WDPCP: variants seen among roughly 807,000 people sequenced by gnomAD.
The protein encoded by WDPCP is WD repeat-containing and planar cell polarity effector protein fritz homolog.
In WDPCP, 71 loss-of-function variants were observed where a neutral mutation model predicts 93.1. The observed-to-expected ratio is 0.76, with a 90% CI of 0.63 to 0.93. WDPCP has a LOEUF of 0.93. WDPCP is among the 40% of genes least tolerant of loss of function. The pLI is 0.00. For missense variants in WDPCP, 844 were observed against 887.4 expected (o/e 0.95, Z 0.62); for synonymous variants, 315 against 315.0 (o/e 1.00, Z 0.00).
chr2:63,572,368 T>G (rs762678853), intron 1 of WDPCP, among the ~76,000 whole-genome samples: 4 of 152,116 alleles, frequency 2.6e-5, no homozygotes, highest in African/African-American at 9.7e-5. Flanking sequence ...AAAAAGGGTA[T>G]CCAGCTGTAA....
chr2:63,578,424 G>GC lies in WDPCP; in HGVS notation c.75+9772dup, dbSNP rs549699426. On this transcript the variant is annotated intron_variant, in intron 1 of 17. Coordinates refer to ENST00000272321, the MANE Select transcript of WDPCP (RefSeq NM_015910.7). ...CATATTGCCAATTATATCTATAGTA[G>GC]CAACTTATGAAAACTGCACTTTCCA... Among the ~76,000 whole-genome samples, 102 of 152,232 alleles carry GC rather than the reference G, an allele frequency of 6.7e-4. No homozygotes were observed. In the East Asian group the frequency reaches 0.017, roughly 25 times the overall value.
chr2:63,214,231 C>T (rs185515674), intron 14 of WDPCP, among the ~76,000 whole-genome samples: 460 of 152,278 alleles, frequency 3.0e-3, no homozygotes, highest in Non-Finnish European at 3.4e-3. Flanking sequence ...CAATAAAATA[C>T]AGGCAAACCG....
At chr2:63,357,011 T>C (rs180972417) in intron 12 of WDPCP, among the ~76,000 whole-genome samples, 3 of 152,016 alleles carry the variant, frequency 2.0e-5, no homozygotes, top group Admixed American at 6.6e-5. Flanking sequence ...AGGACAAATA[T>C]AAGCAATGGG....
At chr2:63,235,250 C>T (rs1158770917) in intron 14 of WDPCP, among the ~76,000 whole-genome samples, 1 of 152,008 alleles carries the variant, frequency 6.6e-6, no homozygotes, top group African/African-American at 2.4e-5. Flanking sequence ...GTAGAGGGAA[C>T]AGATAAACTC....
intron 12 of WDPCP, among the ~76,000 whole-genome samples, chr2:63,343,244 G>C (rs187322265): frequency 1.5e-4 from 23 of 150,642 alleles, no homozygotes; most frequent in Admixed American, 1.5e-3. Flanking sequence ...CTGACCTCAA[G>C]TGATCTGCCC....
At chr2:63,133,833 A>G (rs188729030) in intron 17 of WDPCP, among the ~76,000 whole-genome samples, 16 of 152,286 alleles carry the variant, frequency 1.1e-4, no homozygotes, top group Admixed American at 1.0e-3. Context: ...CCAAACCAAG[A>G]CAACGGCTGG....
intron 14 of WDPCP, among the ~76,000 whole-genome samples, chr2:63,217,093 C>G (rs1242567843): frequency 6.6e-6 from 1 of 152,198 alleles, no homozygotes. Flanking sequence ...ACAGGGTTCA[C>G]CAAACTAAGT....
intron 1 of WDPCP, among the ~76,000 whole-genome samples, chr2:63,575,037 A>C (rs1034160285): frequency 1.3e-5 from 2 of 151,970 alleles, no homozygotes; most frequent in African/African-American, 4.8e-5. Flanking sequence ...TTATCCTTTA[A>C]AAATGGTCTG....
intron 3 of WDPCP, among the ~76,000 whole-genome samples, chr2:63,630,406 T>A (rs145425932): frequency 1.1e-3 from 170 of 151,978 alleles, no homozygotes; most frequent in African/African-American, 3.6e-3. Flanking sequence ...TCAAATATAA[T>A]GATAGAGACA....
chr2:63,186,789 G>T (rs956068860), intron 14 of WDPCP, among the ~76,000 whole-genome samples: 1 of 150,160 alleles, frequency 6.7e-6, no homozygotes, highest in Non-Finnish European at 1.5e-5. Context: ...ATATGACTGT[G>T]CACTGTTTTG....
At chr2:63,565,322 C>T (rs773487569) in intron 1 of WDPCP, among the ~76,000 whole-genome samples, 3 of 152,106 alleles carry the variant, frequency 2.0e-5, no homozygotes, top group Non-Finnish European at 2.9e-5. Flanking sequence ...AAATTCAATT[C>T]GCTTCAATAC....
At chr2:63,530,813 A>G (rs1034800295) in intron 1 of WDPCP, among the ~76,000 whole-genome samples, 1 of 152,156 alleles carries the variant, frequency 6.6e-6, no homozygotes. Flanking sequence ...TTTCCAACTG[A>G]GGTACCGTGT....
intron 9 of WDPCP, among the ~76,000 whole-genome samples, chr2:63,423,986 C>A (rs888021410): frequency 6.6e-6 from 1 of 151,948 alleles, no homozygotes; most frequent in African/African-American, 2.4e-5. Context: ...GATATAGACA[C>A]GAAGCTGAAG....
intron 3 of WDPCP, among the ~76,000 whole-genome samples, chr2:63,608,100 T>C (rs1053603549): frequency 1.3e-5 from 2 of 152,142 alleles, no homozygotes; most frequent in African/African-American, 4.8e-5. Context: ...GATAATTTGA[T>C]TTTAAGGCTA....
At chr2:63,588,506 CG>C, upstream of WDPCP, 1 of 617,246 alleles carries the variant, frequency 1.6e-6, no homozygotes, top group South Asian at 1.9e-5. Context: ...GAGTGTCAAT[CG>C]TTTTTTAAAA....
chr2:63,403,103 C>T (rs925568633), intron 10 of WDPCP, among the ~76,000 whole-genome samples: 1 of 152,014 alleles, frequency 6.6e-6, no homozygotes, highest in Non-Finnish European at 1.5e-5. Context: ...TTAAAAAGAA[C>T]AAGATAATGT....
chr2:63,401,513 C>G (rs573577789), intron 10 of WDPCP, among the ~76,000 whole-genome samples: 1 of 152,158 alleles, frequency 6.6e-6, no homozygotes, highest in Non-Finnish European at 1.5e-5. Flanking sequence ...GTGGCTCACA[C>G]TTGTAATCCC....
chr2:63,684,373 C>A (rs1668776130), intron 2 of WDPCP: 3 of 720,668 alleles, frequency 4.2e-6, no homozygotes, highest in East Asian at 5.4e-5. Flanking sequence ...GGACGCAAAG[C>A]CATCATCATG....
chr2:63,317,525 C>T (rs1686742322), intron 12 of WDPCP, among the ~76,000 whole-genome samples: 1 of 151,954 alleles, frequency 6.6e-6, no homozygotes, highest in South Asian at 2.1e-4. Flanking sequence ...TACAAAGCTA[C>T]AGTAAACTAA....
Sources: gnomAD v4.1 joint callset for allele counts (sites outside exome capture counted in the v4.1 genomes callset) on GRCh38, gnomAD v4.1.1 for gene constraint, MANE v1.5 for transcripts, NCBI Gene and HGNC (gene_info 2026-07-23, HGNC 2026-07-21) for gene names.